RIMS4: variants seen among roughly 807,000 people sequenced by gnomAD.
The protein encoded by RIMS4 is regulating synaptic membrane exocytosis 4.
RIMS4 carries 9 observed loss-of-function variants against 29.0 expected under a neutral mutation model. The ratio of observed to expected loss-of-function variants is 0.31; its 90% confidence interval spans 0.19 to 0.54. The LOEUF is 0.54. Ranked by LOEUF, RIMS4 falls within the 20% of genes least tolerant of loss-of-function variation. RIMS4 has a pLI of 0.94. For missense variants in RIMS4, 193 were observed against 365.7 expected, an observed-to-expected ratio of 0.53 and a Z score of 3.85; for synonymous variants, 130 against 152.9, an observed-to-expected ratio of 0.85 and a Z score of 1.10.
rs149026283 is a variant in RIMS4, at chr20:44,763,827, G to A, written c.237-5643C>T. 5.5e-3 allele frequency among the ~76,000 whole-genome samples: 836 copies of A among 152,312 alleles called. 2 individuals are homozygous for A. Among genetic ancestry groups the A allele is most frequent in the Non-Finnish European group, 0.01 (699 of 68,036 alleles). ...ATTCTCTTTTCCAGATGGATCACTCGTCTCAACAGCATCAGAAATTAAAAG... is the reference window on the plus strand; with the variant it reads ...ATTCTCTTTTCCAGATGGATCACTCATCTCAACAGCATCAGAAATTAAAAG... On this transcript the variant is annotated intron_variant, in intron 2 of 5. Transcript: ENST00000372851.
In RIMS4 at chr20:44,754,181, C is replaced by A; in HGVS notation, c.*1953G>T. 1 of 152,412 alleles carries A rather than the reference C, an allele frequency of 6.6e-6. No homozygotes were observed. 9.4% of individuals were successfully genotyped at this position (152,412 alleles called of 1,614,324 possible). ...TGCGAATCCCTCCAGAGCCCTGCTCCTTCCACCCCCAGCCTTGGGATTCCA... is the reference window on the plus strand; with the variant it reads ...TGCGAATCCCTCCAGAGCCCTGCTCATTCCACCCCCAGCCTTGGGATTCCA... On this transcript the variant is annotated 3_prime_UTR_variant, in exon 6 of 6. Transcript: ENST00000372851.
chr20:44,761,831 G>A (rs1266949978), intron 2 of RIMS4, among the ~76,000 whole-genome samples: 1 of 152,212 alleles, frequency 6.6e-6, no homozygotes, highest in African/African-American at 2.4e-5. Context: ...TAACAATTAT[G>A]CAACAATGGT....
In RIMS4 at chr20:44,756,223, T is replaced by A; in HGVS notation, c.721A>T (p.Met241Leu). The change falls in exon 6 of 6, where the codon ATG (methionine) becomes TTG (leucine). Residue 241 changes from methionine (M) to leucine (L), a missense_variant. By Grantham distance (15) the Met-to-Leu change is conservative. Transcript: ENST00000372851. This position sits in a 1 kb window ranked among gnomAD's most constrained non-coding sequence, Gnocchi z 5.9. ...AGGGGGCCTGTGGCTGGGTCCACCA[T>A]GGAGGAGGTGGGGAAGAGCTTGTAC... ...GWYKLFPTSS[M>L]VDPATGPLLR... The A allele has an allele frequency of 6.2e-7, 1 of 1,613,844 alleles. No homozygotes were observed. Among genetic ancestry groups the A allele is most frequent in the Non-Finnish European group, 8.5e-7 (1 of 1,179,894 alleles).
Position 44,766,800 on chromosome 20 carries a change from C to T in RIMS4, c.236+4475G>A, listed in dbSNP as rs568620545. Among the ~76,000 whole-genome samples, 3 of 152,246 alleles carry T rather than the reference C, an allele frequency of 2.0e-5. No individual in the cohort carries two copies. In the East Asian group the frequency reaches 5.8e-4, roughly 29 times the overall value. The stretch of plus-strand genomic sequence containing the variant: ...CCCCCCACCCCTTATTATGTCAGTG[C>T]TTGCTGACTTCTAACCGCCAGAGTC... On this transcript the variant is annotated intron_variant, in intron 2 of 5. Transcript: ENST00000372851.
At chr20:44,782,218 T>C (rs1555861293) in intron 1 of RIMS4, among the ~76,000 whole-genome samples, 1 of 152,230 alleles carries the variant, frequency 6.6e-6, no homozygotes, top group Non-Finnish European at 1.5e-5. Context: ...CAATAACAAG[T>C]TACCCCCAAA....
intron 2 of RIMS4, 122 bp downstream of exon 2, chr20:44,771,153 C>A (rs2066135555): frequency 1.0e-5 from 12 of 1,149,324 alleles, no homozygotes; most frequent in South Asian, 1.9e-5. Context: ...AACCTGGAGC[C>A]CTGAGCTGGC....
chr20:44,805,038 G>A (rs1457922107), intron 1 of RIMS4, among the ~76,000 whole-genome samples: 1 of 152,156 alleles, frequency 6.6e-6, no homozygotes, highest in African/African-American at 2.4e-5. Flanking sequence ...GGTGGCGCAT[G>A]CCTGTAATCT....
chr20:44,794,256 T>C (rs1163604550), intron 1 of RIMS4, among the ~76,000 whole-genome samples: 5 of 152,236 alleles, frequency 3.3e-5, no homozygotes, highest in African/African-American at 9.6e-5. Flanking sequence ...GGGGGTGAGG[T>C]AGGCATGAAG....
At chr20:44,774,991 T>C (rs2066153489) in intron 1 of RIMS4, among the ~76,000 whole-genome samples, 1 of 152,146 alleles carries the variant, frequency 6.6e-6, no homozygotes. Context: ...CATCGATCCA[T>C]CAGGGCGGCT....
intron 2 of RIMS4, among the ~76,000 whole-genome samples, chr20:44,766,003 A>G (rs141117399): frequency 4.0e-4 from 61 of 152,336 alleles, no homozygotes; most frequent in African/African-American, 1.4e-3. Flanking sequence ...TGGGCCAGCT[A>G]GACAGGCATT....
At chr20:44,794,344 C>G (rs865825031) in intron 1 of RIMS4, among the ~76,000 whole-genome samples, 1 of 152,192 alleles carries the variant, frequency 6.6e-6, no homozygotes, top group African/African-American at 2.4e-5. Context: ...TGGGCCTTTT[C>G]TGGGGCTGGA....
At position 44,753,929 on chromosome 20, in the gene RIMS4, G is replaced by C. The variant is rs982984888; in HGVS notation, c.*2205C>G. 2.0e-5 allele frequency: 3 copies of C among 152,780 alleles called. No homozygotes were observed. The highest frequency in any genetic ancestry group is 4.2e-4 in the South Asian group (2 of 4,818). The allele number at this position is 152,780 out of a possible 1,614,324, so 9.5% of individuals were successfully genotyped here. ...TTATAAAGGCTGTGCAGACACCAGG[G>C]GAAGGGCTCAGGCTGTCAGGGCCAA... is the stretch of plus-strand genomic sequence containing the variant. On this transcript the variant is annotated 3_prime_UTR_variant, in exon 6 of 6. Transcript: ENST00000372851.
At chr20:44,775,054 G>A (rs369514564) in intron 1 of RIMS4, among the ~76,000 whole-genome samples, 2 of 152,100 alleles carry the variant, frequency 1.3e-5, no homozygotes, top group Non-Finnish European at 2.9e-5. Flanking sequence ...CCCAGCTCCC[G>A]GGCCCTGAAG....
At chr20:44,780,675 C>A (rs553506589) in intron 1 of RIMS4, among the ~76,000 whole-genome samples, 1 of 152,264 alleles carries the variant, frequency 6.6e-6, no homozygotes, top group East Asian at 1.9e-4. Context: ...GGTTAATGAA[C>A]CTGCCCATAA....
intron 2 of RIMS4, among the ~76,000 whole-genome samples, chr20:44,769,970 T>C (rs1045765643): frequency 6.6e-6 from 1 of 152,242 alleles, no homozygotes. Context: ...CCACCCAATA[T>C]GGTTGTCGCT....
At chr20:44,782,569 T>G (rs891056812) in intron 1 of RIMS4, among the ~76,000 whole-genome samples, 1 of 152,164 alleles carries the variant, frequency 6.6e-6, no homozygotes, top group African/African-American at 2.4e-5. Context: ...TGAACCACCA[T>G]GCCCAGCCAT....
chr20:44,772,316 C>G (rs957477953), intron 1 of RIMS4, among the ~76,000 whole-genome samples: 5 of 152,184 alleles, frequency 3.3e-5, no homozygotes, highest in African/African-American at 1.2e-4. Context: ...CACCCAAATG[C>G]GTTAAACAAT....
At chr20:44,792,938 GGTACAGCCTGTTTTCCCTTACCCAGCC>G (rs1568905044) in intron 1 of RIMS4, among the ~76,000 whole-genome samples, 1 of 152,124 alleles carries the variant, frequency 6.6e-6, no homozygotes, top group Admixed American at 6.5e-5. Context: ...CACAAGCAGA[GGTACAGCCTGTTTTCCCTTACCCAGCC>G]GTGCACCCTG....
intron 1 of RIMS4, among the ~76,000 whole-genome samples, chr20:44,775,288 C>T (rs1167030853): frequency 6.6e-6 from 1 of 152,110 alleles, no homozygotes; most frequent in Admixed American, 6.5e-5. Flanking sequence ...CCAAGACCCC[C>T]TTTTTACCAC....
Sources: allele counts gnomAD v4.1 joint callset (sites outside exome capture counted in the v4.1 genomes callset), GRCh38; gene constraint gnomAD v4.1.1; non-coding constraint Gnocchi (gnomAD v3.1); transcripts MANE v1.5; gene names NCBI Gene and HGNC (gene_info 2026-07-23, HGNC 2026-07-21).